ZNF528: variants seen among roughly 807,000 people sequenced by gnomAD.
ZNF528 encodes the protein zinc finger protein 528.
Under a neutral mutation model 13.3 loss-of-function variants are expected in ZNF528, and 9 were observed. The observed-to-expected ratio is 0.67, with a 90% confidence interval of 0.41 to 1.18. ZNF528 has a LOEUF of 1.18. ZNF528 is among the 50% of genes most tolerant of loss of function. The probability of loss-of-function intolerance (pLI) is 0.01; values close to 1 mark genes in which losing one functional copy is unlikely to be tolerated. For missense variants in ZNF528, 858 were observed against 745.4 expected, an observed-to-expected ratio of 1.15 and a Z score of -1.76; for synonymous variants, 264 against 254.3, an observed-to-expected ratio of 1.04 and a Z score of -0.36.
intron 4 of ZNF528, among the ~76,000 whole-genome samples, chr19:52,403,403 C>T (rs549594602): frequency 6.6e-6 from 1 of 152,110 alleles, no homozygotes; most frequent in East Asian, 1.9e-4. Flanking sequence ...CAGTGGCTCA[C>T]CCCTGTAATC....
chr19:52,404,658 A>G (rs1271666545), intron 4 of ZNF528, among the ~76,000 whole-genome samples: 2 of 150,806 alleles, frequency 1.3e-5, no homozygotes, highest in East Asian at 4.0e-4. Context: ...GTGCAGTGGC[A>G]TGATCTCAGC....
intron 6 of ZNF528, chr19:52,411,994 C>G (rs556764756): frequency 6.6e-5 from 10 of 152,288 alleles, no homozygotes; most frequent in Non-Finnish European, 1.3e-4. Flanking sequence ...GGAGGTTAGT[C>G]TGAGAGTCGA....
At chr19:52,406,686 T>C in intron 6 of ZNF528, 43 bp downstream of exon 6, 1 of 1,580,114 alleles carries the variant, frequency 6.3e-7, no homozygotes. Flanking sequence ...ATAATTTTTG[T>C]TTTTTGAGAC....
intron 4 of ZNF528, among the ~76,000 whole-genome samples, chr19:52,405,069 T>C (rs2058838704): frequency 6.6e-6 from 1 of 151,642 alleles, no homozygotes; most frequent in Admixed American, 6.6e-5. Context: ...TACAAAAAAT[T>C]AGCTGGTCGT....
Position 52,416,781 on chromosome 19 carries a change from C to G in ZNF528, c.*42C>G. 6.5e-7 allele frequency: 1 copy of G among 1,535,710 alleles called. No homozygotes were observed. On this transcript the variant is annotated 3_prime_UTR_variant, in exon 7 of 7. Coordinates refer to ENST00000360465, the MANE Select transcript of ZNF528 (RefSeq NM_032423.3). ...TATGGCAAAACCATCATCATGAGTT[C>G]TAGCATTAATCAACATCAGTGAGTC...
chr19:52,397,920 T>A lies in ZNF528; in HGVS notation c.-390+16T>A, dbSNP rs532713133. The stretch of plus-strand genomic sequence containing the variant: ...GCAGCAGTGCGTGAGTTTCCCTTTG[T>A]CTATGTTAAGTCTAGGCTAGCCAGT... On this transcript the variant is annotated intron_variant, in intron 1 of 6. Coordinates refer to ENST00000360465, the MANE Select transcript of ZNF528 (RefSeq NM_032423.3). 6.6e-6 allele frequency: 1 copy of A among 152,312 alleles called. No individual in the cohort carries two copies. The highest frequency in any genetic ancestry group is 1.9e-4 in the East Asian group (1 of 5,172). The allele number at this position is 152,312 out of a possible 1,614,324, so 9.4% of individuals were successfully genotyped here.
chr19:52,412,887 A>G (rs961578528), intron 6 of ZNF528: 8 of 152,226 alleles, frequency 5.3e-5, no homozygotes, highest in African/African-American at 1.9e-4. Context: ...ATTGAAGAGC[A>G]ATGAAGCTCA....
chr19:52,406,122 C>T lies in ZNF528; in HGVS notation c.142+89C>T. The T allele has an allele frequency of 2.2e-5, 32 of 1,448,408 alleles. 1 individual carries two copies. In the South Asian group the frequency reaches 4.0e-4, roughly 18 times the overall value. 89.7% of individuals were successfully genotyped at this position (1,448,408 alleles called of 1,614,324 possible). A position where few individuals can be genotyped will look rare whatever the true frequency, so the allele number is the denominator to read the frequency against. ...ATGCCTCTTGGGAGCTCCTGCATTG[C>T]TTGCCTGAGATTGAAACCATGTTGA... On this transcript the variant is annotated intron_variant, in intron 5 of 6. Transcript: ENST00000360465.
At position 52,415,479 on chromosome 19, in the gene ZNF528, A is replaced by G. The variant is rs751608568; in HGVS notation, c.627A>G (p.Ala209=). The part of the protein sequence containing the change: ...ASLTNQVIHN[A]DNPYKCSECG... The stretch of plus-strand genomic sequence containing the variant: ...TTACTAACCAAGTAATCCATAACGC[A>G]GATAATCCTTACAAATGCAGTGAAT... Residue 209 remains alanine, a synonymous_variant, in exon 7 of 7, where the codon GCA becomes GCG. Transcript: ENST00000360465. 7.9e-5 allele frequency: 127 copies of G among 1,614,104 alleles called. No homozygotes were observed. Among genetic ancestry groups the G allele is most frequent in the Non-Finnish European group, 1.0e-4 (119 of 1,180,040 alleles).
intron 4 of ZNF528, among the ~76,000 whole-genome samples, chr19:52,403,087 T>G (rs1430943662): frequency 6.6e-6 from 1 of 152,252 alleles, no homozygotes; most frequent in African/African-American, 2.4e-5. Flanking sequence ...CTCCCATTTT[T>G]AAGTACTTAC....
At position 52,406,174 on chromosome 19, in the gene ZNF528, T is replaced by C. The variant is rs189459884; in HGVS notation, c.142+141T>C. 4.3e-6 allele frequency: 5 copies of C among 1,152,208 alleles called. No homozygotes were observed. The South Asian group carries it at 4.7e-5, about 11-fold the overall frequency. The allele number at this position is 1,152,208 out of a possible 1,614,324, so 71.4% of individuals were successfully genotyped here. ...TCAGAATTGAAAAACTGTATTACAC[T>C]TTCTGGACTTGAAATGTCCCCTTTC... is the stretch of plus-strand genomic sequence containing the variant. On this transcript the variant is annotated intron_variant, in intron 5 of 6. Transcript: ENST00000360465.
rs142032532 is a variant in ZNF528 at position 52,416,451 on chromosome 19, A to G, written c.1599A>G (p.Ala533=). ...CNQCGKVFNQ[A]SYLTRHQIIH... ...AATGTGGCAAGGTCTTTAATCAAGC[A>G]TCATACCTTACAAGACATCAAATAA... Residue 533 remains alanine, a synonymous_variant, in exon 7 of 7, where the codon GCA becomes GCG. Transcript: ENST00000360465. The G allele has an allele frequency of 7.3e-5, 118 of 1,614,152 alleles. 1 individual carries two copies. In the South Asian group the frequency reaches 1.2e-3, roughly 16 times the overall value.
In ZNF528 at chr19:52,415,409, A is replaced by T. The variant is rs1472548732; in HGVS notation, c.557A>T (p.Tyr186Phe). The T allele has an allele frequency of 1.9e-6, 3 of 1,614,228 alleles. No individual in the cohort carries two copies. The Admixed American group carries it at 5.0e-5, about 27-fold the overall frequency. The change falls in exon 7 of 7, where the codon TAT (tyrosine) becomes TTT (phenylalanine). Residue 186 changes from tyrosine to phenylalanine, a missense_variant. Tyr to Phe is a conservative substitution (Grantham distance 22, BLOSUM62 3). Transcript: ENST00000360465. ...AAAGCACACATTAGGGAAAAAGCTT[A>T]TAAATGTAATGAGCACGGCCAAGTC... Reference protein sequence around the residue: ...EQKAHIREKAYKCNEHGQVFR... With the variant: ...EQKAHIREKAFKCNEHGQVFR...
chr19:52,404,384 C>T (rs1282318065), intron 4 of ZNF528, among the ~76,000 whole-genome samples: 1 of 152,026 alleles, frequency 6.6e-6, no homozygotes, highest in African/African-American at 2.4e-5. Flanking sequence ...CCTGCCACCA[C>T]ACCCAGCTAA....
At chr19:52,400,395 C>T (rs1470729864) in intron 2 of ZNF528, among the ~76,000 whole-genome samples, 2 of 152,186 alleles carry the variant, frequency 1.3e-5, no homozygotes, top group Non-Finnish European at 2.9e-5. Flanking sequence ...TGTTTAGGCG[C>T]TCTCTCACTC....
rs747695331 is a variant in ZNF528, at chr19:52,401,749, A to G, written c.-72A>G. 3.3e-5 allele frequency: 48 copies of G among 1,454,534 alleles called. No individual in the cohort carries two copies. Among genetic ancestry groups the G allele is most frequent in the Non-Finnish European group, 4.1e-5 (45 of 1,097,082 alleles). The allele number at this position is 1,454,534 out of a possible 1,614,324, so 90.1% of individuals were successfully genotyped here. On this transcript the variant is annotated 5_prime_UTR_variant, in exon 3 of 7. Transcript: ENST00000360465. ...ATCTCAGAAGGAATCCACTCAACAG[A>G]CGAGGTACCTTAACCACATAATGGT...
intron 6 of ZNF528, chr19:52,413,598 T>C (rs569657359): frequency 2.0e-5 from 3 of 152,356 alleles, no homozygotes; most frequent in African/African-American, 7.2e-5. Flanking sequence ...GGCAGCAGAG[T>C]GTAACATTCT....
chr19:52,415,207 G>A lies in ZNF528; in HGVS notation c.355G>A (p.Asp119Asn). The A allele has an allele frequency of 6.2e-7, 1 of 1,613,972 alleles. No homozygotes were observed. Among genetic ancestry groups the A allele is most frequent in the Non-Finnish European group, 8.5e-7 (1 of 1,179,980 alleles). Residue 119 changes from aspartate (D) to asparagine (N), a missense_variant, in exon 7 of 7, where the codon GAT (aspartate) becomes AAT (asparagine). By Grantham distance (23) the Asp-to-Asn change is conservative (BLOSUM62 1). Coordinates refer to ENST00000360465, the MANE Select transcript of ZNF528 (RefSeq NM_032423.3). Reference protein sequence around the residue: ...LGFTFQLHLSDLQLFQAERKI... With the variant: ...LGFTFQLHLSNLQLFQAERKI... ...ATTCACTTTTCAGTTACATCTGAGT[G>A]ATCTACAGCTATTTCAAGCTGAAAG... is the stretch of plus-strand genomic sequence containing the variant.
intron 4 of ZNF528, among the ~76,000 whole-genome samples, chr19:52,404,236 T>G (rs1024820663): frequency 1.3e-5 from 2 of 152,180 alleles, no homozygotes; most frequent in Non-Finnish European, 2.9e-5. Flanking sequence ...TCTTCTTTTG[T>G]TTGTTTTTTT....
Sources: allele counts gnomAD v4.1 joint callset (sites outside exome capture counted in the v4.1 genomes callset), GRCh38; gene constraint gnomAD v4.1.1; transcripts MANE v1.5; gene names NCBI Gene and HGNC (gene_info 2026-07-23, HGNC 2026-07-21).